Variants in CD2AP observed in about 807,000 individuals in gnomAD.
CD2AP encodes CD2-associated protein.
In CD2AP, 46 loss-of-function variants were observed where a neutral mutation model predicts 85.1. That is an observed-to-expected ratio of 0.54 (90% confidence interval 0.43 to 0.69). CD2AP has a LOEUF of 0.69. CD2AP is among the 30% of genes least tolerant of loss of function. The pLI, the probability that CD2AP is intolerant of heterozygous loss-of-function variation, is 0.00. For synonymous variants in CD2AP, 255 were observed against 252.9 expected, an observed-to-expected ratio of 1.01 and a Z score of -0.08; for missense variants, 769 against 729.5, an observed-to-expected ratio of 1.05 and a Z score of -0.62.
chr6:47,502,230 C>T (rs146745462), intron 1 of CD2AP, among the ~76,000 whole-genome samples: 90 of 152,256 alleles, frequency 5.9e-4, no homozygotes, highest in African/African-American at 1.8e-3. Flanking sequence ...GTCTTCAAAG[C>T]GAGCAAGGGA....
chr6:47,609,287 A>C lies in CD2AP; in HGVS notation c.1797A>C (p.Ala599=), dbSNP rs557271367. 6.2e-7 allele frequency: 1 copy of C among 1,613,440 alleles called. No individual in the cohort carries two copies. Among genetic ancestry groups the C allele is most frequent in the Admixed American group, 1.7e-5 (1 of 60,004 alleles). Residue 599 remains alanine (A), a synonymous_variant, in exon 16 of 18, where the codon GCA becomes GCC. Coordinates refer to ENST00000359314, the MANE Select transcript of CD2AP (RefSeq NM_012120.3). ...TTGAATTGTTGTGCATTGTAGAAGC[A>C]CTGAAAAAGGATCACGGGTAAGTAG... The part of the protein sequence containing the change: ...QIIELLCIVE[A]LKKDHGKELE...
At chr6:47,490,384 CTT>C (rs1765704758) in intron 1 of CD2AP, among the ~76,000 whole-genome samples, 1 of 151,244 alleles carries the variant, frequency 6.6e-6, no homozygotes, top group Non-Finnish European at 1.5e-5. Flanking sequence ...TTCTATAAAA[CTT>C]TATGATGGCT....
chr6:47,547,428 CAA>C (rs1405079364), intron 4 of CD2AP, among the ~76,000 whole-genome samples: 2 of 151,940 alleles, frequency 1.3e-5, no homozygotes, highest in Non-Finnish European at 2.9e-5. Context: ...TTTAAAAAGA[CAA>C]AGAGGGACAT....
chr6:47,567,557 G>C (rs758645638), intron 5 of CD2AP, among the ~76,000 whole-genome samples: 18 of 152,114 alleles, frequency 1.2e-4, no homozygotes, highest in Non-Finnish European at 1.2e-4. Flanking sequence ...AGAAATATTT[G>C]TTACAGGAAA....
At position 47,598,769 on chromosome 6, in the gene CD2AP, G is replaced by A. The variant is rs374932764; in HGVS notation, c.1275-532G>A. On this transcript the variant is annotated intron_variant, in intron 12 of 17. Coordinates refer to ENST00000359314, the MANE Select transcript of CD2AP (RefSeq NM_012120.3). ...CTTGAGGGGAAAGGGTGGGAGGGGA[G>A]TGAAGGATAAAAGACTGCACATTGG... 4.7e-4 allele frequency among the ~76,000 whole-genome samples: 71 copies of A among 150,762 alleles called. No homozygotes were observed. The South Asian group carries it at 0.015, about 31-fold the overall frequency.
intron 11 of CD2AP, among the ~76,000 whole-genome samples, chr6:47,593,669 C>G (rs1768860781): frequency 6.6e-6 from 1 of 151,832 alleles, no homozygotes; most frequent in African/African-American, 2.4e-5. Flanking sequence ...TAAATGTTTG[C>G]AAGGATGTGG....
At chr6:47,574,772 C>G (rs372057213) in intron 6 of CD2AP, among the ~76,000 whole-genome samples, 1 of 151,830 alleles carries the variant, frequency 6.6e-6, no homozygotes, top group African/African-American at 2.4e-5. Context: ...TAGCATTTTG[C>G]TGGCATTGTG....
chr6:47,551,556 C>G (rs554462067), intron 4 of CD2AP, among the ~76,000 whole-genome samples: 8 of 152,068 alleles, frequency 5.3e-5, no homozygotes, highest in African/African-American at 1.7e-4. Context: ...ATTTTTATCC[C>G]CATTGTACAT....
intron 11 of CD2AP, among the ~76,000 whole-genome samples, chr6:47,590,847 A>C (rs1230254597): frequency 1.3e-5 from 2 of 152,138 alleles, no homozygotes; most frequent in Non-Finnish European, 2.9e-5. Flanking sequence ...AACCAAGAAT[A>C]CTATGGAATC....
At chr6:47,535,974 A>C (rs958123405) in intron 3 of CD2AP, among the ~76,000 whole-genome samples, 1 of 152,150 alleles carries the variant, frequency 6.6e-6, no homozygotes, top group African/African-American at 2.4e-5. Context: ...GATACAGTAA[A>C]TTTTGCCTTT....
intron 6 of CD2AP, 81 bp downstream of exon 6, chr6:47,574,332 C>T (rs1480223828): frequency 7.6e-7 from 1 of 1,316,256 alleles, no homozygotes; most frequent in Non-Finnish European, 1.1e-6. Context: ...CAGTTTGTAA[C>T]TCTGTTAGAT....
At chr6:47,603,839 T>C (rs1769204230) in intron 13 of CD2AP, among the ~76,000 whole-genome samples, 1 of 152,092 alleles carries the variant, frequency 6.6e-6, no homozygotes, top group African/African-American at 2.4e-5. Context: ...TTTGGTAAGA[T>C]GAAAGTTTAT....
intron 5 of CD2AP, chr6:47,562,946 G>T: frequency 1.7e-6 from 1 of 574,016 alleles, no homozygotes; most frequent in East Asian, 2.7e-5. Context: ...GTTGTGGTTG[G>T]GTAGTAGTTA....
chr6:47,517,466 T>C (rs902118936), intron 2 of CD2AP, among the ~76,000 whole-genome samples: 3 of 152,004 alleles, frequency 2.0e-5, no homozygotes, highest in Non-Finnish European at 2.9e-5. Flanking sequence ...GTTTTTTCTA[T>C]TTTTTGTGGA....
chr6:47,581,995 T>TC lies in CD2AP; in HGVS notation c.1046-5dup. 1 of 1,587,592 alleles carries TC rather than the reference T, an allele frequency of 6.3e-7. No individual in the cohort carries two copies. Among genetic ancestry groups the TC allele is most frequent in the African/African-American group, 1.3e-5 (1 of 74,534 alleles). ...TTCTTAAAAAAGTATTAATGTTTTT[T>TC]CCCATAGCTCCAAAGCCTGAACTGA... On this transcript the variant is annotated splice_region_variant and splice_polypyrimidine_tract_variant and intron_variant, in intron 10 of 17. Transcript: ENST00000359314.
At chr6:47,533,801 G>T (rs780955376) in intron 3 of CD2AP, 46 bp downstream of exon 3, 2 of 1,580,996 alleles carry the variant, frequency 1.3e-6, no homozygotes, top group Non-Finnish European at 1.7e-6. Context: ...AAAATAGAAG[G>T]ATATTTTATA....
intron 3 of CD2AP, among the ~76,000 whole-genome samples, chr6:47,536,113 G>T (rs1314491888): frequency 2.0e-5 from 3 of 152,078 alleles, no homozygotes; most frequent in Non-Finnish European, 4.4e-5. Flanking sequence ...TACATGTGCT[G>T]CAAGGACTAT....
At chr6:47,511,669 T>TTACC (rs1430474569) in intron 2 of CD2AP, among the ~76,000 whole-genome samples, 1 of 152,160 alleles carries the variant, frequency 6.6e-6, no homozygotes, top group Non-Finnish European at 1.5e-5. Context: ...TTAAAAAAAA[T>TTACC]TACCCTTAGG....
intron 1 of CD2AP, among the ~76,000 whole-genome samples, chr6:47,485,604 G>A (rs527624395): frequency 5.3e-5 from 8 of 152,270 alleles, no homozygotes; most frequent in African/African-American, 1.9e-4. Flanking sequence ...TAGCTTTAGT[G>A]TATGGTGTTT....
Sources: gnomAD v4.1 joint callset for allele counts (sites outside exome capture counted in the v4.1 genomes callset) on GRCh38, gnomAD v4.1.1 for gene constraint, MANE v1.5 for transcripts, NCBI Gene and HGNC (gene_info 2026-07-23, HGNC 2026-07-21) for gene names.